Variants in ASTN2 observed in about 807,000 individuals in gnomAD.
ASTN2 encodes astrotactin-2.
In ASTN2, 54 loss-of-function variants were observed where a neutral mutation model predicts 139.8. The ratio of observed to expected loss-of-function variants is 0.39; its 90% CI spans 0.31 to 0.48. The LOEUF is 0.48. Among genes scored for constraint, ASTN2 ranks in the 20% least tolerant of loss-of-function variants. The pLI is 0.95. For missense variants in ASTN2, 1,565 were observed against 1,725.1 expected (o/e 0.91, Z 1.64); for synonymous variants, 756 against 719.5 (o/e 1.05, Z -0.81).
At chr9:116,830,414 GTT>G (rs57045679) in intron 11 of ASTN2, among the ~76,000 whole-genome samples, 3 of 151,620 alleles carry the variant, frequency 2.0e-5, no homozygotes, top group Admixed American at 6.6e-5. Context: ...CAGTATGAAG[GTT>G]TTTTTTTAAA....
intron 1 of ASTN2, among the ~76,000 whole-genome samples, chr9:117,387,861 ATCACCC>A (rs550430047): frequency 1.6e-3 from 243 of 152,222 alleles, no homozygotes; most frequent in Middle Eastern, 6.8e-3. Context: ...TACTTCCATG[ATCACCC>A]TCACCTGGTC....
intron 20 of ASTN2, among the ~76,000 whole-genome samples, chr9:116,465,204 GT>G (rs1453961259): frequency 6.6e-6 from 1 of 152,184 alleles, no homozygotes; most frequent in Non-Finnish European, 1.5e-5. Flanking sequence ...CAGCCAGCAG[GT>G]TTGATTGTTG....
Position 117,240,377 on chromosome 9 carries a change from A to G in ASTN2, c.631-25635T>C, listed in dbSNP as rs73517221. 8.3e-3 allele frequency among the ~76,000 whole-genome samples: 1,261 copies of G among 152,306 alleles called. 20 individuals carry two copies. Among genetic ancestry groups the G allele is most frequent in the African/African-American group, 0.029 (1,199 of 41,556 alleles). On this transcript the variant is annotated intron_variant, in intron 2 of 22. Transcript: ENST00000313400. The stretch of plus-strand genomic sequence containing the variant: ...GCGGAAGGGAACGAGGATGGTTGAA[A>G]AAGGAGGAACTGAGCCTTGAATAGG...
chr9:117,258,518 C>T (rs1283632197), intron 2 of ASTN2, among the ~76,000 whole-genome samples: 2 of 152,126 alleles, frequency 1.3e-5, no homozygotes, highest in Non-Finnish European at 2.9e-5. Context: ...GAATTCACAC[C>T]GGGTTATGTA....
intron 11 of ASTN2, among the ~76,000 whole-genome samples, chr9:116,850,734 A>G (rs949177955): frequency 5.3e-5 from 8 of 152,336 alleles, no homozygotes; most frequent in African/African-American, 1.9e-4. Context: ...GTAACATTTT[A>G]AAATGAGCCT....
chr9:117,239,918 T>C (rs1022041076), intron 2 of ASTN2, among the ~76,000 whole-genome samples: 3 of 152,226 alleles, frequency 2.0e-5, no homozygotes, highest in Admixed American at 6.5e-5. Context: ...TTAACTCCTT[T>C]AACTCTTCCA....
intron 19 of ASTN2, among the ~76,000 whole-genome samples, chr9:116,609,840 T>C (rs535017496): frequency 1.9e-4 from 29 of 152,282 alleles, no homozygotes; most frequent in Admixed American, 1.8e-3. Context: ...AAGAACAGTA[T>C]ACTATTATAA....
At chr9:117,148,704 A>T (rs888572004) in intron 3 of ASTN2, among the ~76,000 whole-genome samples, 2 of 152,210 alleles carry the variant, frequency 1.3e-5, no homozygotes, top group African/African-American at 4.8e-5. Flanking sequence ...TTGGCCAAAC[A>T]TTATTCTAGA....
At chr9:117,037,515 C>A (rs189639687) in intron 6 of ASTN2, among the ~76,000 whole-genome samples, 1 of 152,232 alleles carries the variant, frequency 6.6e-6, no homozygotes, top group African/African-American at 2.4e-5. Context: ...ACTTGGCTAT[C>A]GAAGAGGCAG....
At chr9:116,849,039 A>G (rs1325656372) in intron 11 of ASTN2, among the ~76,000 whole-genome samples, 2 of 152,260 alleles carry the variant, frequency 1.3e-5, no homozygotes, top group Non-Finnish European at 2.9e-5. Flanking sequence ...GGAAATACTT[A>G]TGTTCCCTGG....
intron 13 of ASTN2, among the ~76,000 whole-genome samples, chr9:116,800,624 C>G (rs1243234400): frequency 1.3e-5 from 2 of 152,172 alleles, no homozygotes; most frequent in African/African-American, 4.8e-5. Context: ...ACACATGGCT[C>G]TCCTCATCAC....
chr9:117,389,834 T>C (rs921478119), intron 1 of ASTN2, among the ~76,000 whole-genome samples: 6 of 150,146 alleles, frequency 4.0e-5, no homozygotes, highest in African/African-American at 1.5e-4. Flanking sequence ...GATACCCAAA[T>C]GCAATGTGGC....
intron 5 of ASTN2, among the ~76,000 whole-genome samples, chr9:117,045,598 C>G (rs1291466840): frequency 1.3e-5 from 2 of 152,186 alleles, no homozygotes; most frequent in Admixed American, 1.3e-4. Context: ...TTGATCCACA[C>G]ATTGCCTATA....
At chr9:116,937,956 C>T (rs1185855890) in intron 10 of ASTN2, among the ~76,000 whole-genome samples, 4 of 152,118 alleles carry the variant, frequency 2.6e-5, no homozygotes, top group Non-Finnish European at 4.4e-5. Flanking sequence ...TACTGTGTAC[C>T]AGGCCTTTTC....
chr9:117,138,485 G>C (rs1161208906), intron 4 of ASTN2, among the ~76,000 whole-genome samples: 1 of 152,240 alleles, frequency 6.6e-6, no homozygotes, highest in African/African-American at 2.4e-5. Flanking sequence ...TGTTCGAAAA[G>C]AGGGCAGGAG....
intron 16 of ASTN2, among the ~76,000 whole-genome samples, chr9:116,658,016 T>C (rs1858325806): frequency 1.3e-5 from 2 of 151,942 alleles, no homozygotes; most frequent in African/African-American, 2.4e-5. Flanking sequence ...TCCTGAGTAG[T>C]TGGGACTACA....
At position 116,440,676 on chromosome 9, in the gene ASTN2, G is replaced by A; in HGVS notation, c.3715C>T (p.His1239Tyr). ...AACTTTTCATAGTGAGAGTTGTAGT[G>A]GTGCTGGACTCGGAACAGCATCGAG... The part of the protein sequence containing the change: ...SASMLFRVQH[H>Y]YNSHYEKFGD... Residue 1239 changes from histidine to tyrosine, a missense_variant, in exon 22 of 23, where the codon CAC (histidine) becomes TAC (tyrosine). Transcript: ENST00000313400. 6.2e-7 allele frequency: 1 copy of A among 1,614,202 alleles called. No homozygotes were observed. Among genetic ancestry groups the A allele is most frequent in the Non-Finnish European group, 8.5e-7 (1 of 1,180,038 alleles).
chr9:116,454,978 G>T (rs1282445726), intron 20 of ASTN2, among the ~76,000 whole-genome samples: 1 of 151,836 alleles, frequency 6.6e-6, no homozygotes, highest in Non-Finnish European at 1.5e-5. Context: ...CATGGCACAT[G>T]TATACATATG....
At chr9:116,435,729 C>T (rs1027298843) in intron 22 of ASTN2, among the ~76,000 whole-genome samples, 2 of 152,194 alleles carry the variant, frequency 1.3e-5, no homozygotes, top group Non-Finnish European at 2.9e-5. Flanking sequence ...TCCTTGAGCT[C>T]CAGATCTGGA....
Sources: gnomAD v4.1 joint callset for allele counts (sites outside exome capture counted in the v4.1 genomes callset) on GRCh38, gnomAD v4.1.1 for gene constraint, MANE v1.5 for transcripts, NCBI Gene and HGNC (gene_info 2026-07-23, HGNC 2026-07-21) for gene names.